Variants in CLASP2 observed in about 807,000 individuals in gnomAD.
CLASP2 encodes the protein CLIP-associating protein 2.
CLASP2 carries 47 observed loss-of-function variants against 194.4 expected under a neutral mutation model. The observed-to-expected ratio is 0.24, with a 90% CI of 0.19 to 0.31. The LOEUF (loss-of-function observed/expected upper bound fraction) is 0.31, where lower values mean the gene tolerates loss of function less well. Among genes scored for constraint, CLASP2 ranks in the 10% least tolerant of loss-of-function variants. The pLI is 1.00. For missense variants in CLASP2, 1,445 were observed against 1,823.6 expected, an observed-to-expected ratio of 0.79 and a Z score of 3.78; for synonymous variants, 619 against 633.5, an observed-to-expected ratio of 0.98 and a Z score of 0.34.
chr3:33,533,262 A>T (rs112257474), intron 34 of CLASP2, among the ~76,000 whole-genome samples: 3,887 of 152,336 alleles, frequency 0.026, 148 homozygotes, highest in African/African-American at 0.088. Context: ...CCTCAGAAAG[A>T]CAGTCAACTA....
intron 5 of CLASP2, among the ~76,000 whole-genome samples, chr3:33,686,811 C>T (rs1410516383): frequency 6.6e-6 from 1 of 152,158 alleles, no homozygotes. Flanking sequence ...CAGTCTCTCA[C>T]ACTCAAGAAC....
chr3:33,625,398 T>C (rs58130660), intron 10 of CLASP2, among the ~76,000 whole-genome samples: 306 of 151,928 alleles, frequency 2.0e-3, no homozygotes, highest in African/African-American at 7.0e-3. Context: ...TGTATATATA[T>C]TACACTAAGG....
At chr3:33,523,535 A>T (rs1048064655) in intron 34 of CLASP2, among the ~76,000 whole-genome samples, 1 of 152,230 alleles carries the variant, frequency 6.6e-6, no homozygotes, top group Non-Finnish European at 1.5e-5. Context: ...AAAGAAAAAA[A>T]CTGTTAACCA....
chr3:33,668,630 G>T (rs2086612869), intron 6 of CLASP2, among the ~76,000 whole-genome samples: 1 of 152,104 alleles, frequency 6.6e-6, no homozygotes, highest in Admixed American at 6.5e-5. Flanking sequence ...TTATTTTGAG[G>T]ATTCGAAATA....
intron 2 of CLASP2, among the ~76,000 whole-genome samples, chr3:33,693,315 G>T (rs2091542649): frequency 6.6e-6 from 1 of 152,076 alleles, no homozygotes; most frequent in Non-Finnish European, 1.5e-5. Flanking sequence ...AAAAATACAT[G>T]TAATGATAAC....
intron 8 of CLASP2, among the ~76,000 whole-genome samples, chr3:33,634,333 A>C (rs1326659155): frequency 2.6e-5 from 4 of 152,230 alleles, no homozygotes; most frequent in African/African-American, 9.7e-5. Context: ...AAATGGTATG[A>C]TGGTATCAGG....
chr3:33,580,564 AAACAAC>A (rs540416059), intron 23 of CLASP2, among the ~76,000 whole-genome samples: 2 of 151,864 alleles, frequency 1.3e-5, no homozygotes, highest in Non-Finnish European at 2.9e-5. Flanking sequence ...CTCCACCTCA[AAACAAC>A]AACAACAACA....
At chr3:33,528,242 G>A (rs2055168033) in intron 34 of CLASP2, among the ~76,000 whole-genome samples, 1 of 152,010 alleles carries the variant, frequency 6.6e-6, no homozygotes, top group Non-Finnish European at 1.5e-5. Flanking sequence ...ATTCAACACT[G>A]CTTCATGCTA....
chr3:33,610,927 A>G (rs1468898390), intron 13 of CLASP2, among the ~76,000 whole-genome samples: 1 of 152,190 alleles, frequency 6.6e-6, no homozygotes, highest in Non-Finnish European at 1.5e-5. Flanking sequence ...AAAAAGGCAG[A>G]GTTCTTTACA....
chr3:33,502,504 T>C (rs2047071854), intron 37 of CLASP2: 1 of 152,250 alleles, frequency 6.6e-6, no homozygotes, highest in Non-Finnish European at 1.5e-5. Context: ...CTAGTTACTG[T>C]GCTGTGTAAT....
At chr3:33,604,104 C>T in intron 17 of CLASP2, 50 bp downstream of exon 17, 1 of 1,355,120 alleles carries the variant, frequency 7.4e-7, no homozygotes, top group Non-Finnish European at 1.0e-6. Flanking sequence ...TTGAAGGCTA[C>T]TGTTTCAAAG....
intron 32 of CLASP2, among the ~76,000 whole-genome samples, chr3:33,541,991 C>T (rs1223925854): frequency 9.2e-5 from 14 of 152,174 alleles, no homozygotes; most frequent in Admixed American, 8.5e-4. Context: ...CACAACCTTG[C>T]CAGCATCTGT....
At chr3:33,506,467 C>T (rs1445820052) in intron 37 of CLASP2, among the ~76,000 whole-genome samples, 1 of 142,682 alleles carries the variant, frequency 7.0e-6, no homozygotes, top group Non-Finnish European at 1.5e-5. Context: ...TTCTAAAGTA[C>T]TGAAAGTAAG....
At chr3:33,528,900 ACAT>A (rs2154123247) in intron 34 of CLASP2, among the ~76,000 whole-genome samples, 1 of 152,326 alleles carries the variant, frequency 6.6e-6, no homozygotes, top group African/African-American at 2.4e-5. Flanking sequence ...TTTGCAGACA[ACAT>A]CATTTTATAT....
At chr3:33,595,102 A>G in intron 19 of CLASP2, 134 bp from the exon 20 acceptor site, 1 of 439,610 alleles carries the variant, frequency 2.3e-6, no homozygotes, top group Non-Finnish European at 4.0e-6. Flanking sequence ...GACAGCCTTA[A>G]ATTAACTGCG....
intron 5 of CLASP2, among the ~76,000 whole-genome samples, chr3:33,685,289 C>A (rs889234064): frequency 7.4e-6 from 1 of 135,972 alleles, no homozygotes; most frequent in Non-Finnish European, 1.5e-5. Context: ...TTGCAGTGAG[C>A]CAGGATCACG....
chr3:33,668,131 A>G (rs538002182), intron 6 of CLASP2, among the ~76,000 whole-genome samples: 2 of 152,328 alleles, frequency 1.3e-5, no homozygotes, highest in East Asian at 1.9e-4. Flanking sequence ...AGGCAAGAGA[A>G]TCGCTTGAAC....
intron 16 of CLASP2, 111 bp from the exon 17 acceptor site, chr3:33,604,320 CTTTTTTTT>C: frequency 3.5e-6 from 2 of 572,332 alleles, no homozygotes; most frequent in Admixed American, 3.1e-5. Flanking sequence ...TTTCTTTTTT[CTTTTTTTT>C]TTTTTTTGAG....
At chr3:33,519,831 T>C (rs1406792071) in intron 34 of CLASP2, among the ~76,000 whole-genome samples, 1 of 152,202 alleles carries the variant, frequency 6.6e-6, no homozygotes, top group Non-Finnish European at 1.5e-5. Flanking sequence ...GATGAAGTAG[T>C]GTTCCCAAGC....
Sources: allele counts gnomAD v4.1 joint callset (sites outside exome capture counted in the v4.1 genomes callset), GRCh38; gene constraint gnomAD v4.1.1; transcripts MANE v1.5; gene names NCBI Gene and HGNC (gene_info 2026-07-23, HGNC 2026-07-21).